Variants in BMP2K observed in about 807,000 individuals in gnomAD.
BMP2K encodes the protein BMP2 inducible kinase, also known as BMP-2-inducible protein kinase.
BMP2K carries 74 observed loss-of-function variants against 116.0 expected under a neutral mutation model. The ratio of observed to expected loss-of-function variants is 0.64; its 90% CI spans 0.53 to 0.77. The LOEUF is 0.77. BMP2K is among the 30% of genes least tolerant of loss of function. BMP2K has a pLI of 0.00. For missense variants in BMP2K, 1,365 were observed against 1,403.6 expected (o/e 0.97, Z 0.44); for synonymous variants, 486 against 502.5 (o/e 0.97, Z 0.44).
chr4:78,783,168 T>TCCC (rs1371513487), intron 1 of BMP2K, among the ~76,000 whole-genome samples: 1 of 152,222 alleles, frequency 6.6e-6, no homozygotes, highest in African/African-American at 2.4e-5. Flanking sequence ...GAATAGTTTG[T>TCCC]TAGATAATTA....
chr4:78,809,125 G>T (rs1002074202), intron 1 of BMP2K, among the ~76,000 whole-genome samples: 1 of 152,018 alleles, frequency 6.6e-6, no homozygotes, highest in Non-Finnish European at 1.5e-5. Flanking sequence ...ATGCATTTTG[G>T]GGCTTTGTTG....
intron 1 of BMP2K, among the ~76,000 whole-genome samples, chr4:78,823,224 C>A (rs1289869661): frequency 6.6e-6 from 1 of 151,852 alleles, no homozygotes; most frequent in African/African-American, 2.4e-5. Context: ...ATGAAGAAAA[C>A]CTACTTGATA....
intron 15 of BMP2K, among the ~76,000 whole-genome samples, chr4:78,907,011 A>G (rs1734319577): frequency 6.6e-6 from 1 of 152,108 alleles, no homozygotes; most frequent in African/African-American, 2.4e-5. Flanking sequence ...CTAAAAAAGG[A>G]GGGTTTCCTT....
chr4:78,828,575 GGC>G (rs1232006454), intron 2 of BMP2K, among the ~76,000 whole-genome samples: 3 of 152,112 alleles, frequency 2.0e-5, no homozygotes, highest in Admixed American at 2.0e-4. Context: ...GTGAAAGGAG[GGC>G]AGGAGAGAGA....
chr4:78,818,662 G>A (rs760759922), intron 1 of BMP2K, among the ~76,000 whole-genome samples: 3 of 152,138 alleles, frequency 2.0e-5, no homozygotes, highest in Non-Finnish European at 2.9e-5. Flanking sequence ...GCATGGTTAA[G>A]CAGTTAAGTA....
intron 1 of BMP2K, among the ~76,000 whole-genome samples, chr4:78,823,813 C>T (rs533859972): frequency 4.3e-4 from 65 of 152,020 alleles, no homozygotes; most frequent in African/African-American, 1.5e-3. Context: ...ATAATCTAGA[C>T]CTAGATAGAT....
At chr4:78,790,915 C>G (rs1578468776) in intron 1 of BMP2K, among the ~76,000 whole-genome samples, 1 of 152,080 alleles carries the variant, frequency 6.6e-6, no homozygotes, top group East Asian at 1.9e-4. Context: ...TAACCCATTC[C>G]CCCCTCCCAT....
At chr4:78,800,542 G>A (rs544771608) in intron 1 of BMP2K, among the ~76,000 whole-genome samples, 3 of 152,220 alleles carry the variant, frequency 2.0e-5, no homozygotes, top group East Asian at 3.9e-4. Flanking sequence ...TTAATGAGCC[G>A]TATACTGGAA....
At chr4:78,812,357 A>G (rs1261722434) in intron 1 of BMP2K, among the ~76,000 whole-genome samples, 1 of 152,176 alleles carries the variant, frequency 6.6e-6, no homozygotes, top group Non-Finnish European at 1.5e-5. Flanking sequence ...AAACTAAGCT[A>G]CAAATAAGGA....
At chr4:78,836,989 G>GT (rs1381688069) in intron 3 of BMP2K, among the ~76,000 whole-genome samples, 1 of 151,888 alleles carries the variant, frequency 6.6e-6, no homozygotes, top group African/African-American at 2.4e-5. Flanking sequence ...TTTTTGTGGC[G>GT]TTTTTGTCTT....
At chr4:78,795,414 T>G (rs1397220528) in intron 1 of BMP2K, among the ~76,000 whole-genome samples, 11 of 152,180 alleles carry the variant, frequency 7.2e-5, no homozygotes. Flanking sequence ...AAGCAGATGA[T>G]GGGTTAAAGA....
At chr4:78,869,843 T>G (rs971889338) in intron 10 of BMP2K, among the ~76,000 whole-genome samples, 5 of 152,204 alleles carry the variant, frequency 3.3e-5, no homozygotes, top group Non-Finnish European at 7.4e-5. Context: ...ATGCATTTCC[T>G]TATAATTAGA....
chr4:78,858,693 ATTATT>A (rs1003549860), intron 7 of BMP2K, among the ~76,000 whole-genome samples: 16 of 152,004 alleles, frequency 1.1e-4, no homozygotes, highest in African/African-American at 2.2e-4. Context: ...CTCTCTATAC[ATTATT>A]TTATTAGCAA....
At chr4:78,885,925 C>A (rs114194876) in intron 14 of BMP2K, among the ~76,000 whole-genome samples, 3,029 of 152,140 alleles carry the variant, frequency 0.02, 100 homozygotes, top group African/African-American at 0.07. Flanking sequence ...TACAGTTTTG[C>A]CTCACTGTAG....
At chr4:78,860,083 A>T (rs762574332) in intron 8 of BMP2K, 1 of 513,140 alleles carries the variant, frequency 1.9e-6, no homozygotes, top group South Asian at 1.4e-5. Context: ...TAACTGAGTA[A>T]GTTTGGGAAA....
intron 7 of BMP2K, among the ~76,000 whole-genome samples, chr4:78,851,540 G>A (rs1731252150): frequency 6.6e-6 from 1 of 152,076 alleles, no homozygotes; most frequent in South Asian, 2.1e-4. Context: ...AGTGTGTCTA[G>A]CATTAAGTGT....
chr4:78,879,942 G>A (rs919583493), intron 14 of BMP2K: 9 of 152,140 alleles, frequency 5.9e-5, no homozygotes, highest in South Asian at 2.1e-4. Context: ...GTTCTGAGCC[G>A]TTAATAAAGG....
At position 78,911,549 on chromosome 4, in the gene BMP2K, C is replaced by A; in HGVS notation, c.3002C>A (p.Pro1001Gln). The A allele has an allele frequency of 6.2e-7, 1 of 1,614,014 alleles. No individual in the cohort carries two copies. Among genetic ancestry groups the A allele is most frequent in the Non-Finnish European group, 8.5e-7 (1 of 1,179,890 alleles). ...AATGGGAAGCGGCATCATGGCACGC[C>A]AACTAGCACAAAGAAGACTTTGAAG... ...KSNGKRHHGTPTSTKKTLKPT... is the reference protein window; with the variant it reads ...KSNGKRHHGTQTSTKKTLKPT... Residue 1001 changes from proline to glutamine, a missense_variant, in exon 16 of 16, where the codon CCA becomes CAA. This residue lies in a region of BMP2K where 596 missense variants were observed against 623.2 expected (regional missense o/e 0.96). Transcript: ENST00000502613.
intron 1 of BMP2K, among the ~76,000 whole-genome samples, chr4:78,811,745 T>C (rs1729101151): frequency 6.6e-6 from 1 of 152,208 alleles, no homozygotes; most frequent in Non-Finnish European, 1.5e-5. Context: ...ACAAAACATT[T>C]TGGAAGTCAT....
Sources: gnomAD v4.1 joint callset for allele counts (sites outside exome capture counted in the v4.1 genomes callset) on GRCh38, gnomAD v4.1.1 for gene constraint, gnomAD v4.1.1 regional missense constraint, MANE v1.5 for transcripts, NCBI Gene and HGNC (gene_info 2026-07-23, HGNC 2026-07-21) for gene names.